Variants in CYP26B1 observed in about 807,000 individuals in gnomAD.
The protein encoded by CYP26B1 is cytochrome P450 26B1.
A neutral mutation model predicts 39.1 loss-of-function variants in CYP26B1; 8 were observed. That is an observed-to-expected ratio of 0.20 (90% CI 0.12 to 0.37). CYP26B1 has a LOEUF of 0.37. Among genes scored for constraint, CYP26B1 ranks in the 10% least tolerant of loss-of-function variants. The pLI is 1.00. For missense variants in CYP26B1, 615 were observed against 707.0 expected (o/e 0.87, Z 1.48); for synonymous variants, 321 against 314.3 (o/e 1.02, Z -0.23).
intron 2 of CYP26B1, among the ~76,000 whole-genome samples, chr2:72,143,640 G>T (rs1011843318): frequency 6.6e-6 from 1 of 152,262 alleles, no homozygotes; most frequent in African/African-American, 2.4e-5. Context: ...TGGGAAACGT[G>T]GCGAAAAGGC....
chr2:72,133,763 C>A (rs1490877854), intron 4 of CYP26B1, among the ~76,000 whole-genome samples: 1 of 152,188 alleles, frequency 6.6e-6, no homozygotes, highest in African/African-American at 2.4e-5. Flanking sequence ...TCCTCCATCG[C>A]AGGAGGAGGA....
intron 4 of CYP26B1, among the ~76,000 whole-genome samples, chr2:72,133,691 G>A (rs145184261): frequency 1.8e-4 from 27 of 152,362 alleles, no homozygotes; most frequent in African/African-American, 4.3e-4. Flanking sequence ...GCAGGTGTGC[G>A]TGTGTATGTG....
rs201603348 is a variant in CYP26B1 at position 72,135,310 on chromosome 2, T to C, written c.539A>G (p.Asn180Ser). The C allele has an allele frequency of 1.4e-4, 226 of 1,614,096 alleles. No homozygotes were observed. The highest frequency in any genetic ancestry group is 1.7e-4 in the Non-Finnish European group (201 of 1,180,032). Residue 180 changes from asparagine to serine, a missense_variant, in exon 3 of 6, where the codon AAC (asparagine) becomes AGC (serine). Transcript: ENST00000001146. ...RAWSSHPEAI[N>S]VYQEAQKLTF... ...CAGCTTCTGCGCCTCCTGGTACACG[T>C]TGATGGCCTCGGGGTGGCTGCTCCA...
In CYP26B1 at chr2:72,147,789, CG is replaced by C; in HGVS notation, c.45del (p.Ala16ProfsTer7). On this transcript the variant is annotated frameshift_variant, in exon 1 of 6. Coordinates refer to ENST00000001146, the MANE Select transcript of CYP26B1 (RefSeq NM_019885.4). LOFTEE classifies it high-confidence loss of function. This position sits in a 1 kb window ranked among gnomAD's most constrained non-coding sequence, Gnocchi z 6.1. ...GLDLVSALAT[L>X]AACLVSVTLL... Reference sequence around the variant, plus strand: ...AGCGTCACGGACACCAGGCACGCGGCGAGGGTGGCCAGCGCCGACACCAGAT... The same window carrying C: ...AGCGTCACGGACACCAGGCACGCGGCAGGGTGGCCAGCGCCGACACCAGAT... 6.4e-7 allele frequency: 1 copy of C among 1,561,934 alleles called. No homozygotes were observed. Among genetic ancestry groups the C allele is most frequent in the Non-Finnish European group, 8.7e-7 (1 of 1,154,336 alleles).
rs1231444533 is a variant in CYP26B1, at chr2:72,144,073, G to C, written c.345C>G (p.Thr115=). ...ACATGCGGGTGCTGCGAGGCCACTC[G>C]GTGCTCACGAGGTGGTGCTCGCCCA... ...ILMGEHHLVS[T]EWPRSTRMLL... The change falls in exon 2 of 6, where the codon ACC becomes ACG. Residue 115 remains threonine (T), a synonymous_variant. Coordinates refer to ENST00000001146, the MANE Select transcript of CYP26B1 (RefSeq NM_019885.4). The C allele has an allele frequency of 1.9e-6, 3 of 1,613,610 alleles. No homozygotes were observed. Among genetic ancestry groups the C allele is most frequent in the Admixed American group, 1.7e-5 (1 of 60,006 alleles).
At chr2:72,143,854 G>A in intron 2 of CYP26B1, 135 bp downstream of exon 2, 2 of 1,095,490 alleles carry the variant, frequency 1.8e-6, no homozygotes, top group Non-Finnish European at 2.7e-6. Context: ...CTTGTCGGCG[G>A]GGAACTGCGG....
intron 2 of CYP26B1, among the ~76,000 whole-genome samples, chr2:72,139,115 G>A (rs1224163771): frequency 2.0e-5 from 3 of 152,090 alleles, no homozygotes; most frequent in Admixed American, 1.3e-4. Context: ...CAGTAGGAGC[G>A]GGTAGAGCCG....
rs112913461 is a variant in CYP26B1, at chr2:72,135,137, T to C, written c.705+7A>G. On this transcript the variant is annotated splice_region_variant and intron_variant, in intron 3 of 5. Coordinates refer to ENST00000001146, the MANE Select transcript of CYP26B1 (RefSeq NM_019885.4). ...TGCTCCTCTCCTCCCAGGCCCTGGG[T>C]GCTCACCCGCCGGTAGCCACTGAAG... 4,130 of 1,612,402 alleles carry C rather than the reference T, an allele frequency of 2.6e-3. 94 individuals carry two copies. In the African/African-American group the frequency reaches 0.045, roughly 18 times the overall value.
At chr2:72,132,673 G>A in intron 5 of CYP26B1, 54 bp from the exon 6 acceptor site, 3 of 1,553,298 alleles carry the variant, frequency 1.9e-6, no homozygotes, top group Non-Finnish European at 2.6e-6. Flanking sequence ...GGAGCCCACA[G>A]AGGGCCCAGG....
At chr2:72,144,436 G>A (rs1677056846) in intron 1 of CYP26B1, 13 of 1,349,540 alleles carry the variant, frequency 9.6e-6, no homozygotes, top group African/African-American at 1.5e-5. Flanking sequence ...AGGCCCAGGG[G>A]CACCCCCAGG....
chr2:72,132,009 G>C lies in CYP26B1; in HGVS notation c.*218C>G, dbSNP rs925720680. The C allele has an allele frequency of 3.3e-6, 2 of 601,896 alleles. No homozygotes were observed. Among genetic ancestry groups the C allele is most frequent in the South Asian group, 4.0e-5 (2 of 50,266 alleles). 37.3% of individuals were successfully genotyped at this position (601,896 alleles called of 1,614,324 possible). On this transcript the variant is annotated 3_prime_UTR_variant, in exon 6 of 6. Coordinates refer to ENST00000001146, the MANE Select transcript of CYP26B1 (RefSeq NM_019885.4). ...CCAGGGGCTGAGCTGATGGTAAATG[G>C]GGAGTGGCTGGAGGGAAGCTGGAGC...
chr2:72,143,192 T>A (rs1676996752), intron 2 of CYP26B1: 1 of 155,050 alleles, frequency 6.4e-6, no homozygotes, highest in Non-Finnish European at 1.5e-5. Flanking sequence ...CCCGGCGGCT[T>A]AGGGCCCGCC....
intron 2 of CYP26B1, among the ~76,000 whole-genome samples, chr2:72,138,892 C>T (rs75581475): frequency 1.3e-5 from 2 of 152,300 alleles, no homozygotes; most frequent in African/African-American, 4.8e-5. Flanking sequence ...TCTAGGGGTA[C>T]CGCCAGGGGC....
Position 72,132,937 on chromosome 2 carries a change from C to G in CYP26B1, c.1146+86G>C, listed in dbSNP as rs552695056. 5.7e-3 allele frequency: 9,035 copies of G among 1,593,996 alleles called. 38 individuals are homozygous for G. The highest frequency in any genetic ancestry group is 7.2e-3 in the Non-Finnish European group (8,406 of 1,170,192). ...TGTTTCCCCATCAGGCCTGAAGTCC[C>G]TGAAATGGAGGCTGGTGCCCCGCCT... On this transcript the variant is annotated intron_variant, in intron 5 of 5. Coordinates refer to ENST00000001146, the MANE Select transcript of CYP26B1 (RefSeq NM_019885.4).
At chr2:72,133,386 G>A (rs534925626) in intron 4 of CYP26B1, 79 bp from the exon 5 acceptor site, 44 of 1,517,654 alleles carry the variant, frequency 2.9e-5, no homozygotes, top group African/African-American at 2.2e-4. Flanking sequence ...TCAGTGGCCC[G>A]TGTGCCCAGG....
intron 1 of CYP26B1, chr2:72,144,654 G>T (rs1175806392): frequency 4.4e-6 from 1 of 228,530 alleles, no homozygotes; most frequent in Non-Finnish European, 7.2e-6. Flanking sequence ...AGCGGTAAGC[G>T]GTCGGTGCCC....
chr2:72,142,174 A>C (rs1572929139), intron 2 of CYP26B1, among the ~76,000 whole-genome samples: 1 of 145,642 alleles, frequency 6.9e-6, no homozygotes, highest in East Asian at 2.2e-4. Context: ...AATGTAGGCC[A>C]AAAAACCTTG....
At chr2:72,146,052 G>A (rs1042275334) in intron 1 of CYP26B1, among the ~76,000 whole-genome samples, 8 of 152,182 alleles carry the variant, frequency 5.3e-5, no homozygotes, top group African/African-American at 1.9e-4. Flanking sequence ...TAGGGCCCCG[G>A]GTTGGAGGGA....
In CYP26B1 at chr2:72,144,095, C is replaced by G. The variant is rs1677042736; in HGVS notation, c.323G>C (p.Gly108Ala). Reference sequence around the variant, plus strand: ...CTCGGTGCTCACGAGGTGGTGCTCGCCCATGAGGATCTTGCGCACGTTCTC... The same window carrying G: ...CTCGGTGCTCACGAGGTGGTGCTCGGCCATGAGGATCTTGCGCACGTTCTC... ...GAENVRKILM[G>A]EHHLVSTEWP... is the part of the protein sequence containing the mutation. The change falls in exon 2 of 6, where the codon GGC becomes GCC. Residue 108 changes from glycine to alanine, a missense_variant. Physicochemically the swap from Gly to Ala is moderately conservative, Grantham distance 60. Transcript: ENST00000001146. 6.2e-7 allele frequency: 1 copy of G among 1,613,000 alleles called. No homozygotes were observed. Among genetic ancestry groups the G allele is most frequent in the Non-Finnish European group, 8.5e-7 (1 of 1,179,132 alleles).
Sources: allele counts gnomAD v4.1 joint callset (sites outside exome capture counted in the v4.1 genomes callset), GRCh38; gene constraint gnomAD v4.1.1; non-coding constraint Gnocchi (gnomAD v3.1); transcripts MANE v1.5; gene names NCBI Gene and HGNC (gene_info 2026-07-23, HGNC 2026-07-21).